The following ADGRD2 variants were observed in gnomAD, a reference collection of about 807,000 sequenced individuals.
ADGRD2 encodes adhesion G protein-coupled receptor D2, also known as G protein-coupled receptor PGR24.
Under a neutral mutation model 44.4 loss-of-function variants are expected in ADGRD2, and 71 were observed. That is an observed-to-expected ratio of 1.60 (90% CI 1.32 to 1.95). ADGRD2 has a LOEUF of 1.95. Among genes scored for constraint, ADGRD2 ranks in the 30% most tolerant of loss-of-function variants. The pLI is 0.00. For missense variants in ADGRD2, 1,039 were observed against 512.4 expected, an observed-to-expected ratio of 2.03 and a Z score of -9.92; for synonymous variants, 481 against 224.8, an observed-to-expected ratio of 2.14 and a Z score of -10.19.
Position 124,453,585 on chromosome 9 carries a change from C to T in ADGRD2, c.834C>T (p.Pro278=), listed in dbSNP as rs1231340111. 1.4e-5 allele frequency: 10 copies of T among 700,036 alleles called. No homozygotes were observed. The East Asian group carries it at 2.4e-4, about 17-fold the overall frequency. 43.4% of individuals were successfully genotyped at this position (700,036 alleles called of 1,614,324 possible). A position where few individuals can be genotyped will look rare whatever the true frequency, so the allele number is the denominator to read the frequency against. Reference sequence around the variant, plus strand: ...ACCGGGCACGGGCCTGCGCGCCGCCCTCAGAGGGCCTGCTCTTCCGCTGGG... The same window carrying T: ...ACCGGGCACGGGCCTGCGCGCCGCCTTCAGAGGGCCTGCTCTTCCGCTGGG... The change falls in exon 3 of 22, where the codon CCC becomes CCT. Residue 278 remains proline, a synonymous_variant. Coordinates refer to ENST00000334810, the Ensembl canonical transcript of ADGRD2.
chr9:124,455,941 G>A (rs540383510), intron 6 of ADGRD2, among the ~76,000 whole-genome samples: 1 of 152,324 alleles, frequency 6.6e-6, no homozygotes, highest in East Asian at 1.9e-4. Context: ...GGGCCTCAGA[G>A]GACAGAACTG....
Position 124,454,989 on chromosome 9 carries a change from G to C in ADGRD2, c.1257G>C (p.Lys419Asn). 1.4e-6 allele frequency: 1 copy of C among 718,380 alleles called. No homozygotes were observed. Among genetic ancestry groups the C allele is most frequent in the Admixed American group, 2.0e-5 (1 of 50,028 alleles). The allele number at this position is 718,380 out of a possible 1,614,324, so 44.5% of individuals were successfully genotyped here. ...TGCTGGCTGTTGTCCGCTTCCTGAA[G>C]AGGGTGGTGGCCCTCGGGGCTGGGG... Residue 419 changes from lysine (K) to asparagine (N), a missense_variant, in exon 6 of 22, where the codon AAG becomes AAC. Coordinates refer to ENST00000334810, the Ensembl canonical transcript of ADGRD2. The surrounding 1 kb of genome is among the most constrained non-coding windows in gnomAD (Gnocchi z 4.5).
At chr9:124,453,060 G>A (rs755140821) in exon 3 of ADGRD2, 3 of 677,210 alleles carry the variant, frequency 4.4e-6, no homozygotes, top group South Asian at 3.2e-5. Context: ...CCGTGCTGGT[G>A]TTCGACGAGA....
chr9:124,452,841 T>G (rs1322883057), intron 2 of ADGRD2, 119 bp downstream of exon 5: 1 of 620,846 alleles, frequency 1.6e-6, no homozygotes, highest in African/African-American at 1.8e-5. Context: ...CCATTGCATC[T>G]CCAGGTTCCT....
chr9:124,460,085 G>GACACAC (rs3983851), intron 10 of ADGRD2, among the ~76,000 whole-genome samples: 2 of 150,012 alleles, frequency 1.3e-5, no homozygotes, highest in African/African-American at 2.4e-5. Flanking sequence ...AGTAATCTTG[G>GACACAC]ACACACACAC....
exon 12 of ADGRD2, chr9:124,467,792 C>T (rs759691585): frequency 8.4e-6 from 6 of 718,438 alleles, no homozygotes; most frequent in African/African-American, 1.7e-5. Flanking sequence ...TCTGCGCCCT[C>T]ACCACCACCT....
At chr9:124,466,374 C>A in exon 11 of ADGRD2, 1 of 717,302 alleles carries the variant, frequency 1.4e-6, no homozygotes, top group Non-Finnish European at 2.6e-6. Context: ...GCAACCACAG[C>A]ACCAGCTTTG....
chr9:124,472,695 C>T (rs1024546999), intron 17 of ADGRD2, among the ~76,000 whole-genome samples: 2 of 152,024 alleles, frequency 1.3e-5, no homozygotes, highest in African/African-American at 2.4e-5. Context: ...TTAGTGGAGA[C>T]GGGGGTCTCA....
intron 10 of ADGRD2, chr9:124,465,599 ACCT>A (rs1316772615): frequency 1.3e-5 from 2 of 151,976 alleles, no homozygotes; most frequent in Non-Finnish European, 2.9e-5. Context: ...TGATCCACCC[ACCT>A]CAGCCTCCCA....
exon 15 of ADGRD2, chr9:124,469,245 G>A (rs1042473400): frequency 2.2e-5 from 16 of 716,114 alleles, no homozygotes; most frequent in Non-Finnish European, 3.9e-5. Flanking sequence ...CATCGTGGCG[G>A]TCACCCTGGC....
At chr9:124,469,264 C>A in exon 15 of ADGRD2, 1 of 717,436 alleles carries the variant, frequency 1.4e-6, no homozygotes. Flanking sequence ...GCCATGCTCC[C>A]CCATGACTAC....
chr9:124,471,876 T>C (rs1564143461), intron 17 of ADGRD2, among the ~76,000 whole-genome samples: 4 of 151,968 alleles, frequency 2.6e-5, no homozygotes, highest in African/African-American at 9.7e-5. Context: ...AGAAATGAAG[T>C]GTTCAGTGAG....
chr9:124,475,575 G>A (rs917534585), exon 19 of ADGRD2: 32 of 713,694 alleles, frequency 4.5e-5, no homozygotes, highest in Non-Finnish European at 7.1e-5. Context: ...CCCCAGGTGC[G>A]GAGCGCCCTG....
At chr9:124,475,161 G>A (rs974909533) in intron 17 of ADGRD2, among the ~76,000 whole-genome samples, 49 of 152,270 alleles carry the variant, frequency 3.2e-4, no homozygotes, top group East Asian at 2.1e-3. Flanking sequence ...CAGGCCCAGC[G>A]TGGGGCACAG....
At chr9:124,469,905 C>A (rs1314182782) in intron 16 of ADGRD2, among the ~76,000 whole-genome samples, 2 of 152,174 alleles carry the variant, frequency 1.3e-5, no homozygotes, top group Admixed American at 6.5e-5. Flanking sequence ...TCAGGGTTAG[C>A]CCCAGAAGTT....
At chr9:124,453,895 G>C in intron 3 of ADGRD2, 104 bp from the exon 7 acceptor site, 1 of 387,454 alleles carries the variant, frequency 2.6e-6, no homozygotes, top group Non-Finnish European at 4.9e-6. Context: ...GCTGGCAACA[G>C]TGTCCCTCTC....
chr9:124,467,779 C>A, exon 12 of ADGRD2: 1 of 718,516 alleles, frequency 1.4e-6, no homozygotes, highest in Non-Finnish European at 2.6e-6. Flanking sequence ...TGTGGCGTGT[C>A]CTTCTGCGCC....
At chr9:124,469,329 G>A (rs769697766) in exon 15 of ADGRD2, 10 of 718,296 alleles carry the variant, frequency 1.4e-5, no homozygotes, top group Admixed American at 4.0e-5. Flanking sequence ...CTGGGCCTTC[G>A]TGGGGCCTGT....
At chr9:124,464,781 A>G (rs1277461806) in intron 10 of ADGRD2, among the ~76,000 whole-genome samples, 1 of 149,382 alleles carries the variant, frequency 6.7e-6, no homozygotes, top group Non-Finnish European at 1.5e-5. Context: ...AGTTCACTGC[A>G]TGTTTGCTCC....
Sources: allele counts gnomAD v4.1 joint callset (sites outside exome capture counted in the v4.1 genomes callset), GRCh38; gene constraint gnomAD v4.1.1; non-coding constraint Gnocchi (gnomAD v3.1); transcripts MANE v1.5; gene names NCBI Gene and HGNC (gene_info 2026-07-23, HGNC 2026-07-21).